Variants in ZNF384 observed in about 807,000 individuals in gnomAD.
ZNF384 encodes the protein zinc finger protein 384.
ZNF384 carries 20 observed loss-of-function variants against 65.0 expected under a neutral mutation model. The ratio of observed to expected loss-of-function variants is 0.31; its 90% CI spans 0.22 to 0.45. The LOEUF is 0.45. Among genes scored for constraint, ZNF384 ranks in the 20% least tolerant of loss-of-function variants. The pLI, the probability that ZNF384 is intolerant of heterozygous loss-of-function variation, is 1.00. For missense variants in ZNF384, 549 were observed against 769.4 expected, an observed-to-expected ratio of 0.71 and a Z score of 3.39; for synonymous variants, 310 against 303.9, an observed-to-expected ratio of 1.02 and a Z score of -0.21.
intron 1 of ZNF384, chr12:6,688,672 C>G (rs975924302): frequency 6.5e-6 from 1 of 152,762 alleles, no homozygotes; most frequent in Admixed American, 6.5e-5. Context: ...GCCTTCCCCC[C>G]ACTTCTTCGA....
In ZNF384 at chr12:6,669,964, A is replaced by G. The variant is rs192631486; in HGVS notation, c.1267-775T>C. The stretch of plus-strand genomic sequence containing the variant: ...CGCGCACACACACACACACACACAA[A>G]CACAAAGATGAAAAACCTAACTGAA... On this transcript the variant is annotated intron_variant, in intron 10 of 11. Transcript: ENST00000683879. 1.8e-4 allele frequency among the ~76,000 whole-genome samples: 27 copies of G among 151,994 alleles called. No individual in the cohort carries two copies. In the South Asian group the frequency reaches 2.3e-3, roughly 13 times the overall value.
intron 2 of ZNF384, among the ~76,000 whole-genome samples, chr12:6,687,898 G>A (rs1224219846): frequency 1.3e-5 from 2 of 152,078 alleles, no homozygotes; most frequent in Non-Finnish European, 2.9e-5. Flanking sequence ...ACTATTCAGT[G>A]GCTTCACCTG....
intron 10 of ZNF384, 54 bp from the exon 11 acceptor site, chr12:6,669,243 C>T (rs1319381785): frequency 6.6e-7 from 1 of 1,524,248 alleles, no homozygotes; most frequent in Admixed American, 2.0e-5. Context: ...TCCTCCTGCC[C>T]CCTTGACCTC....
chr12:6,677,659 C>A (rs764071808), intron 6 of ZNF384, among the ~76,000 whole-genome samples: 3 of 152,164 alleles, frequency 2.0e-5, no homozygotes, highest in Non-Finnish European at 4.4e-5. Flanking sequence ...CTTATGAAGG[C>A]CCCTCCCATC....
chr12:6,671,263 G>T (rs1442065402), intron 9 of ZNF384, among the ~76,000 whole-genome samples: 1 of 152,216 alleles, frequency 6.6e-6, no homozygotes, highest in African/African-American at 2.4e-5. Context: ...ATCACTTCCA[G>T]AGAATGTTAT....
At chr12:6,679,273 CT>C in intron 3 of ZNF384, 90 bp from the exon 4 acceptor site, 1 of 1,327,634 alleles carries the variant, frequency 7.5e-7, no homozygotes, top group South Asian at 1.4e-5. Context: ...GTCTGTCCTC[CT>C]TAGGGATCAA....
At position 6,679,143 on chromosome 12, in the gene ZNF384, A is replaced by G. The variant is rs776828453; in HGVS notation, c.107T>C (p.Leu36Pro). The change falls in exon 4 of 12, where the codon CTG becomes CCG. Residue 36 changes from leucine to proline, a missense_variant. Coordinates refer to ENST00000683879, the MANE Select transcript of ZNF384 (RefSeq NM_001385745.1). ...TMFINKMKDQ[L>P]LPEKGCGLAP... The stretch of plus-strand genomic sequence containing the variant: ...CAGACCACAGCCCTTCTCTGGCAAC[A>G]GCTGATCCTTCATCTTGTTGATGAA... 6.2e-7 allele frequency: 1 copy of G among 1,602,598 alleles called. No individual in the cohort carries two copies. The highest frequency in any genetic ancestry group is 1.7e-5 in the Admixed American group (1 of 58,424).
At position 6,666,943 on chromosome 12, in the gene ZNF384, AT is replaced by A. The variant is rs745564699; in HGVS notation, c.*770del. 56 of 208,620 alleles carry A rather than the reference AT, an allele frequency of 2.7e-4. No individual in the cohort carries two copies. The highest frequency in any genetic ancestry group is 4.5e-4 in the Non-Finnish European group (46 of 102,488). 12.9% of individuals were successfully genotyped at this position (208,620 alleles called of 1,614,324 possible). On this transcript the variant is annotated 3_prime_UTR_variant, in exon 12 of 12. Coordinates refer to ENST00000683879, the MANE Select transcript of ZNF384 (RefSeq NM_001385745.1). The stretch of plus-strand genomic sequence containing the variant: ...ACACCCCTGTTTTGGAGTTTCACAG[AT>A]AACACAAAGCCTCCCACAGCTCCTT...
At chr12:6,681,214 A>G (rs1955827342) in intron 2 of ZNF384, among the ~76,000 whole-genome samples, 1 of 149,202 alleles carries the variant, frequency 6.7e-6, no homozygotes, top group Admixed American at 6.7e-5. Flanking sequence ...GCCATCTCAA[A>G]AAAAAAAAAA....
chr12:6,682,319 CCAAAACAAAACAAAACAAAACAAAA>C (rs55997836), intron 2 of ZNF384, among the ~76,000 whole-genome samples: 4,261 of 140,664 alleles, frequency 0.03, 227 homozygotes, highest in African/African-American at 0.1. Flanking sequence ...GACCCCAACT[CCAAAACAAAACAAAACAAAACAAAA>C]CAAAACAAAA....
rs143331844 is a variant in ZNF384, at chr12:6,686,070, T to C, written c.-6+2097A>G. On this transcript the variant is annotated intron_variant, in intron 2 of 11. Coordinates refer to ENST00000683879, the MANE Select transcript of ZNF384 (RefSeq NM_001385745.1). ...CTCCAGCAGGTGTTTTTGGCAGATA[T>C]GGTGAAGACCACCATCTCTTTCCCA... Among the ~76,000 whole-genome samples the C allele has an allele frequency of 6.6e-4, 100 of 152,310 alleles. 2 individuals carry two copies. The highest frequency in any genetic ancestry group is 1.5e-3 in the East Asian group (8 of 5,188).
chr12:6,676,157 C>T (rs1953469711), intron 7 of ZNF384, among the ~76,000 whole-genome samples: 1 of 152,152 alleles, frequency 6.6e-6, no homozygotes, highest in Non-Finnish European at 1.5e-5. Context: ...AAAGAATTAG[C>T]TGGGCGTGGT....
chr12:6,668,893 G>T, intron 11 of ZNF384, 138 bp downstream of exon 11: 3 of 858,806 alleles, frequency 3.5e-6, no homozygotes, highest in Non-Finnish European at 5.0e-6. Flanking sequence ...ATTAATTTCT[G>T]AATATTTACC....
At chr12:6,683,196 CAGG>C (rs926359311) in intron 2 of ZNF384, among the ~76,000 whole-genome samples, 4 of 151,600 alleles carry the variant, frequency 2.6e-5, no homozygotes, top group African/African-American at 7.3e-5. Context: ...GAGGCTGCGG[CAGG>C]AGAATTGCTT....
In ZNF384 at chr12:6,672,451, G is replaced by A; in HGVS notation, c.1086C>T (p.Tyr362=). The A allele has an allele frequency of 6.2e-7, 1 of 1,614,196 alleles. No homozygotes were observed. The highest frequency in any genetic ancestry group is 8.5e-7 in the Non-Finnish European group (1 of 1,180,026). The part of the protein sequence containing the change: ...HCSKTFANTS[Y]LAQHLRIHSG... ...AGTGGATACGGAGGTGCTGGGCCAGGTAGGAGGTGTTGGCGAAGGTCTTGG... is the reference window on the plus strand; with the variant it reads ...AGTGGATACGGAGGTGCTGGGCCAGATAGGAGGTGTTGGCGAAGGTCTTGG... Residue 362 remains tyrosine, a synonymous_variant, in exon 9 of 12, where the codon TAC becomes TAT. Transcript: ENST00000683879. This position sits in a 1 kb window ranked among gnomAD's most constrained non-coding sequence, Gnocchi z 4.4.
chr12:6,668,532 A>T (rs552991658), intron 11 of ZNF384, among the ~76,000 whole-genome samples: 23 of 152,058 alleles, frequency 1.5e-4, no homozygotes, highest in African/African-American at 5.3e-4. Context: ...GTGAAACCCC[A>T]TGTCTACTAA....
At position 6,679,445 on chromosome 12, in the gene ZNF384, C is replaced by T. The variant is rs372744935; in HGVS notation, c.66+10G>A. The T allele has an allele frequency of 6.2e-7, 1 of 1,613,240 alleles. No homozygotes were observed. Among genetic ancestry groups the T allele is most frequent in the Non-Finnish European group, 8.5e-7 (1 of 1,179,354 alleles). On this transcript the variant is annotated intron_variant, in intron 3 of 11. Coordinates refer to ENST00000683879, the MANE Select transcript of ZNF384 (RefSeq NM_001385745.1). Reference sequence around the variant, plus strand: ...AGACTTGGAGAGAGCAAGAAAGCAACACCACTTACCTGACCTGAGACTGTG... The same window carrying T: ...AGACTTGGAGAGAGCAAGAAAGCAATACCACTTACCTGACCTGAGACTGTG...
In ZNF384 at chr12:6,675,050, G is replaced by A. The variant is rs114411387; in HGVS notation, c.780-1610C>T. 7.5e-3 allele frequency among the ~76,000 whole-genome samples: 1,143 copies of A among 152,138 alleles called. 15 individuals carry two copies. Among genetic ancestry groups the A allele is most frequent in the African/African-American group, 0.024 (997 of 41,486 alleles). Reference sequence around the variant, plus strand: ...AAAATCTCGTCAATTTGTGTGTGAGGGTGTTCAATACACAATTCTGCCCTT... The same window carrying A: ...AAAATCTCGTCAATTTGTGTGTGAGAGTGTTCAATACACAATTCTGCCCTT... On this transcript the variant is annotated intron_variant, in intron 7 of 11. Coordinates refer to ENST00000683879, the MANE Select transcript of ZNF384 (RefSeq NM_001385745.1).
chr12:6,670,653 T>A, intron 10 of ZNF384, 107 bp downstream of exon 10: 1 of 1,056,622 alleles, frequency 9.5e-7, no homozygotes, highest in Non-Finnish European at 1.4e-6. Flanking sequence ...GGTCCCTCAA[T>A]AATGTTTGAG....
Sources: allele counts gnomAD v4.1 joint callset (sites outside exome capture counted in the v4.1 genomes callset), GRCh38; gene constraint gnomAD v4.1.1; non-coding constraint Gnocchi (gnomAD v3.1); transcripts MANE v1.5; gene names NCBI Gene and HGNC (gene_info 2026-07-23, HGNC 2026-07-21).